Variants in ZCWPW2 observed in about 807,000 individuals in gnomAD.
The protein encoded by ZCWPW2 is zinc finger CW-type PWWP domain protein 2.
A neutral mutation model predicts 46.6 loss-of-function variants in ZCWPW2; 45 were observed. The observed-to-expected ratio is 0.96, with a 90% CI of 0.76 to 1.24. ZCWPW2 has a LOEUF of 1.24. ZCWPW2 is among the 50% of genes most tolerant of loss of function. The pLI, the probability that ZCWPW2 is intolerant of heterozygous loss-of-function variation, is 0.00. For synonymous variants in ZCWPW2, 152 were observed against 137.1 expected, an observed-to-expected ratio of 1.11 and a Z score of -0.76; for missense variants, 429 against 403.9, an observed-to-expected ratio of 1.06 and a Z score of -0.53.
chr3:28,515,740 TGTGTG>T, intron 8 of ZCWPW2, 119 bp downstream of exon 8: 1 of 792,596 alleles, frequency 1.3e-6, no homozygotes, highest in Non-Finnish European at 2.0e-6. Flanking sequence ...TGTGTGTGTG[TGTGTG>T]TATACACATA....
At chr3:28,385,352 G>A (rs1280434366) in intron 1 of ZCWPW2, among the ~76,000 whole-genome samples, 4 of 152,062 alleles carry the variant, frequency 2.6e-5, no homozygotes, top group Non-Finnish European at 5.9e-5. Context: ...CTTGACTGTT[G>A]GCCTGTATAG....
chr3:28,358,960 G>C (rs1486815197), intron 1 of ZCWPW2, among the ~76,000 whole-genome samples: 1 of 152,036 alleles, frequency 6.6e-6, no homozygotes, highest in Non-Finnish European at 1.5e-5. Context: ...AGCTGTGCTA[G>C]ATAACAAGTT....
chr3:28,381,000 G>GTA (rs376030289), intron 1 of ZCWPW2, among the ~76,000 whole-genome samples: 2,040 of 4,538 alleles, frequency 0.45, 670 homozygotes, highest in Admixed American at 0.56. Flanking sequence ...TATATATTTG[G>GTA]TATATATATA....
chr3:28,356,580 G>A (rs1478528658), intron 1 of ZCWPW2, among the ~76,000 whole-genome samples: 5 of 152,092 alleles, frequency 3.3e-5, no homozygotes, highest in South Asian at 2.1e-4. Context: ...CACTATTCAC[G>A]ATAGCAAAGA....
At chr3:28,516,274 T>G (rs1272622027) in intron 8 of ZCWPW2, among the ~76,000 whole-genome samples, 1 of 149,286 alleles carries the variant, frequency 6.7e-6, no homozygotes, top group Non-Finnish European at 1.5e-5. Context: ...AATAAATAAA[T>G]AAATAAATAA....
chr3:28,420,070 A>G (rs1176901215), intron 3 of ZCWPW2, among the ~76,000 whole-genome samples: 1 of 141,816 alleles, frequency 7.1e-6, no homozygotes, highest in Non-Finnish European at 1.6e-5. Flanking sequence ...TACCGAAAGT[A>G]TAATTAAAAA....
intron 1 of ZCWPW2, among the ~76,000 whole-genome samples, chr3:28,357,204 C>T (rs1023132288): frequency 4.1e-4 from 62 of 151,934 alleles, no homozygotes; most frequent in African/African-American, 1.4e-3. Flanking sequence ...TATAAAGCTA[C>T]GAATAAATAA....
intron 6 of ZCWPW2, among the ~76,000 whole-genome samples, chr3:28,510,013 C>A (rs150549545): frequency 6.6e-6 from 1 of 152,278 alleles, no homozygotes; most frequent in African/African-American, 2.4e-5. Flanking sequence ...GGTTGAACTT[C>A]ATTTTGCATG....
At chr3:28,434,510 A>G (rs574064276) in intron 3 of ZCWPW2, among the ~76,000 whole-genome samples, 7 of 152,330 alleles carry the variant, frequency 4.6e-5, no homozygotes, top group African/African-American at 7.2e-5. Flanking sequence ...TTTATTTTCA[A>G]TGTTGAAGAT....
intron 4 of ZCWPW2, among the ~76,000 whole-genome samples, chr3:28,470,248 A>G (rs962622546): frequency 6.6e-6 from 1 of 152,210 alleles, no homozygotes; most frequent in Non-Finnish European, 1.5e-5. Flanking sequence ...TAATCCCAGC[A>G]CTTCGGAAGG....
At chr3:28,432,882 C>G (rs907824288) in intron 3 of ZCWPW2, among the ~76,000 whole-genome samples, 2 of 152,142 alleles carry the variant, frequency 1.3e-5, no homozygotes, top group Non-Finnish European at 2.9e-5. Flanking sequence ...TTTTATTTCA[C>G]TGAAAGCACA....
chr3:28,437,009 C>T (rs1331518803), intron 4 of ZCWPW2, among the ~76,000 whole-genome samples: 1 of 152,176 alleles, frequency 6.6e-6, no homozygotes, highest in African/African-American at 2.4e-5. Context: ...CTTTTATGGT[C>T]CTTTCCACTT....
chr3:28,488,570 A>G (rs1277543069), intron 5 of ZCWPW2, among the ~76,000 whole-genome samples: 1 of 152,204 alleles, frequency 6.6e-6, no homozygotes, highest in Admixed American at 6.6e-5. Flanking sequence ...TCATTGAATT[A>G]TGTTAATATT....
intron 1 of ZCWPW2, among the ~76,000 whole-genome samples, chr3:28,357,403 G>T (rs981327572): frequency 6.6e-6 from 1 of 152,186 alleles, no homozygotes; most frequent in African/African-American, 2.4e-5. Context: ...GCCGTGGGCT[G>T]CCCATGTATT....
chr3:28,452,157 G>C (rs1698249375), intron 4 of ZCWPW2, among the ~76,000 whole-genome samples: 1 of 152,212 alleles, frequency 6.6e-6, no homozygotes, highest in African/African-American at 2.4e-5. Flanking sequence ...GGTTAACATA[G>C]TGGTTAAAAA....
At chr3:28,487,864 G>A (rs1035618100) in intron 5 of ZCWPW2, among the ~76,000 whole-genome samples, 3 of 151,994 alleles carry the variant, frequency 2.0e-5, no homozygotes, top group Non-Finnish European at 4.4e-5. Flanking sequence ...AGATAGTAAA[G>A]GATGGCTAGA....
In ZCWPW2 at chr3:28,446,826, G is replaced by A. The variant is rs371417855; in HGVS notation, c.492+11557G>A. Among the ~76,000 whole-genome samples, 11 of 152,108 alleles carry A rather than the reference G, an allele frequency of 7.2e-5. No individual in the cohort carries two copies. In the East Asian group the frequency reaches 1.9e-3, roughly 27 times the overall value. On this transcript the variant is annotated intron_variant, in intron 4 of 9. Transcript: ENST00000383768. ...TCAAATTACTAAAGTCAGAAATAAA[G>A]CAGGGACATTACTACCAATTCTACA...
chr3:28,402,459 CA>C (rs35728966), intron 2 of ZCWPW2, among the ~76,000 whole-genome samples: 1 of 152,058 alleles, frequency 6.6e-6, no homozygotes, highest in Non-Finnish European at 1.5e-5. Flanking sequence ...AGATTCACAG[CA>C]AAATTCTGCC....
At chr3:28,521,778 C>T (rs564656136) in intron 9 of ZCWPW2, among the ~76,000 whole-genome samples, 38 of 152,078 alleles carry the variant, frequency 2.5e-4, no homozygotes, top group Non-Finnish European at 5.0e-4. Context: ...GACACTTTCA[C>T]GTGGCAATGC....
Sources: gnomAD v4.1 joint callset for allele counts (sites outside exome capture counted in the v4.1 genomes callset) on GRCh38, gnomAD v4.1.1 for gene constraint, MANE v1.5 for transcripts, NCBI Gene and HGNC (gene_info 2026-07-23, HGNC 2026-07-21) for gene names.